The following ADGRG1 variants were observed in gnomAD, a reference collection of about 807,000 sequenced individuals.
The protein encoded by ADGRG1 is 7-transmembrane protein with no EGF-like N-terminal domains-1.
ADGRG1 carries 53 observed loss-of-function variants against 73.5 expected under a neutral mutation model. That is an observed-to-expected ratio of 0.72 (90% confidence interval 0.58 to 0.91). The LOEUF is 0.91. Ranked by LOEUF, ADGRG1 falls within the 40% of genes least tolerant of loss-of-function variation. ADGRG1 has a pLI of 0.00. For missense variants in ADGRG1, 795 were observed against 871.8 expected (o/e 0.91, Z 1.11); for synonymous variants, 394 against 374.4 (o/e 1.05, Z -0.60).
upstream of ADGRG1, chr16:57,627,087 G>T: frequency 1.0e-6 from 1 of 984,704 alleles, no homozygotes; most frequent in Non-Finnish European, 1.2e-6. Flanking sequence ...TTTTCTGGAA[G>T]CTCTCACCTT....
rs1460767502 is a variant in ADGRG1 at position 57,628,888 on chromosome 16, G to C, written c.-36+86G>C. ...AGTGTGTGAGCGTGAGTGTGTGAGA[G>C]TGTGAGTGTGTGAGTGTGAGTGTGT... On this transcript the variant is annotated intron_variant, in intron 1 of 13. Coordinates refer to ENST00000562631, the MANE Select transcript of ADGRG1 (RefSeq NM_201525.4). 19 of 783,334 alleles carry C rather than the reference G, an allele frequency of 2.4e-5. 1 individual carries two copies. The highest frequency in any genetic ancestry group is 1.7e-4 in the East Asian group (1 of 5,732). 48.5% of individuals were successfully genotyped at this position (783,334 alleles called of 1,614,324 possible).
At chr16:57,623,292 G>A (rs1449749036), upstream of ADGRG1, 6 of 948,074 alleles carry the variant, frequency 6.3e-6, no homozygotes, top group African/African-American at 7.1e-5. Flanking sequence ...GCAGGAGCCC[G>A]ACTGGCATCC....
upstream of ADGRG1, chr16:57,624,265 C>G: frequency 1.8e-6 from 1 of 560,756 alleles, no homozygotes. Flanking sequence ...TTTGGGAGGT[C>G]AAGGTGGGAG....
rs760949956 is a variant in ADGRG1, at chr16:57,656,279, T to C, written c.1063+8T>C. On this transcript the variant is annotated splice_region_variant and intron_variant, in intron 8 of 13. Transcript: ENST00000562631. ...GGGTTGAAGACCCCACATGTGAGTATGCAGGGGTCTCTGGGCTGGACAAGT... is the reference window on the plus strand; with the variant it reads ...GGGTTGAAGACCCCACATGTGAGTACGCAGGGGTCTCTGGGCTGGACAAGT... The C allele has an allele frequency of 2.3e-5, 37 of 1,579,434 alleles. No individual in the cohort carries two copies. In the Admixed American group the frequency reaches 6.1e-4, roughly 26 times the overall value.
intron 11 of ADGRG1, chr16:57,660,405 C>T: frequency 1.0e-6 from 1 of 983,750 alleles, no homozygotes; most frequent in Non-Finnish European, 1.2e-6. Context: ...GGTCAAGGCC[C>T]AGTGCAGACG....
At chr16:57,662,625 G>T (rs149316056) in intron 13 of ADGRG1, among the ~76,000 whole-genome samples, 90 of 152,296 alleles carry the variant, frequency 5.9e-4, no homozygotes, top group African/African-American at 2.1e-3. Context: ...CAAGAACAAA[G>T]ATCCTGAGGT....
chr16:57,653,099 G>A, intron 3 of ADGRG1, 104 bp from the exon 4 acceptor site: 1 of 1,590,826 alleles, frequency 6.3e-7, no homozygotes, highest in South Asian at 1.1e-5. Flanking sequence ...GTAAAGTAAA[G>A]ATCGAGGCAT....
In ADGRG1 at chr16:57,663,507, C is replaced by A. The variant is rs746178991; in HGVS notation, c.1989C>A (p.Pro663=). ...WSMRLQARGG[P]SPLKSNSDSA... ...TGCGGCTGCAGGCCCGGGGTGGCCC[C>A]TCCCCTCTGAAGAGCAACTCAGACA... Residue 663 remains proline, a synonymous_variant, in exon 14 of 14, where the codon CCC becomes CCA. Coordinates refer to ENST00000562631, the MANE Select transcript of ADGRG1 (RefSeq NM_201525.4). 3 of 1,614,000 alleles carry A rather than the reference C, an allele frequency of 1.9e-6. No homozygotes were observed. The highest frequency in any genetic ancestry group is 2.5e-6 in the Non-Finnish European group (3 of 1,179,978).
At chr16:57,655,776 G>T (rs2045562137) in intron 6 of ADGRG1, 100 bp from the exon 7 acceptor site, 1 of 1,612,192 alleles carries the variant, frequency 6.2e-7, no homozygotes. Flanking sequence ...AAGGCAATGT[G>T]CTGGGAGAGG....
intron 1 of ADGRG1, chr16:57,644,111 C>T (rs2041588551): frequency 2.0e-6 from 2 of 984,892 alleles, no homozygotes; most frequent in Non-Finnish European, 2.4e-6. Context: ...CTGTGCCCCG[C>T]CCTCCCTGTC....
chr16:57,635,533 A>G (rs569246772), intron 1 of ADGRG1: 2 of 985,198 alleles, frequency 2.0e-6, no homozygotes, highest in South Asian at 9.4e-5. Context: ...CTGTCTACCT[A>G]CCTGGGTTTG....
intron 1 of ADGRG1, chr16:57,642,731 G>C (rs1247537895): frequency 1.3e-6 from 1 of 759,374 alleles, no homozygotes; most frequent in African/African-American, 1.9e-5. Flanking sequence ...AGAAGAGAAA[G>C]AACTCAGAAG....
intron 1 of ADGRG1, chr16:57,641,374 T>G (rs764088256): frequency 2.4e-5 from 24 of 982,074 alleles, no homozygotes; most frequent in Admixed American, 6.2e-5. Flanking sequence ...AGGTGGAGAC[T>G]TGGCCATGAA....
chr16:57,628,284 C>A, upstream of ADGRG1: 1 of 687,014 alleles, frequency 1.5e-6, no homozygotes, highest in Non-Finnish European at 1.8e-6. Context: ...GTTGCCGTGG[C>A]AACCCCGGCC....
chr16:57,627,931 C>T (rs771552004), upstream of ADGRG1: 18 of 973,112 alleles, frequency 1.8e-5, no homozygotes, highest in East Asian at 1.1e-4. Context: ...ACCCAGGCCT[C>T]GGTTTCCCCT....
At position 57,650,280 on chromosome 16, in the gene ADGRG1, G is replaced by A. The variant is rs566170537; in HGVS notation, c.-8G>A. On this transcript the variant is annotated 5_prime_UTR_variant, in exon 2 of 14. Transcript: ENST00000562631. ...GGTGACTTCCAAGAGTGACTCCGTC[G>A]GAGGAAAATGACTCCCCAGTCGCTG... is the stretch of plus-strand genomic sequence containing the variant. 25 of 1,612,752 alleles carry A rather than the reference G, an allele frequency of 1.6e-5. No homozygotes were observed. The highest frequency in any genetic ancestry group is 8.0e-5 in the African/African-American group (6 of 75,032).
rs186089476 is a variant in ADGRG1 at position 57,649,013 on chromosome 16, G to A, written c.-35-1240G>A. ...GGTTGGAGTGGGAATCAATGCAGAT[G>A]CAGGGGTGGGATGGGTCAACACAGA... On this transcript the variant is annotated intron_variant, in intron 1 of 13. Transcript: ENST00000562631. 8.8e-3 allele frequency among the ~76,000 whole-genome samples: 1,335 copies of A among 152,372 alleles called. 12 individuals are homozygous for A. Among genetic ancestry groups the A allele is most frequent in the Non-Finnish European group, 0.013 (903 of 68,032 alleles).
chr16:57,662,846 G>C, intron 13 of ADGRG1: 1 of 715,684 alleles, frequency 1.4e-6, no homozygotes, highest in Middle Eastern at 7.0e-4. Context: ...AGAATGGAAG[G>C]GGGTTGTATG....
intron 1 of ADGRG1, chr16:57,635,644 T>C (rs1158751964): frequency 2.0e-6 from 2 of 984,474 alleles, no homozygotes; most frequent in Admixed American, 6.1e-5. Context: ...ACCCCGCCCC[T>C]GTTCCCTGGG....
Sources: allele counts gnomAD v4.1 joint callset (sites outside exome capture counted in the v4.1 genomes callset), GRCh38; gene constraint gnomAD v4.1.1; transcripts MANE v1.5; gene names NCBI Gene and HGNC (gene_info 2026-07-23, HGNC 2026-07-21).